RUNX2: variants seen among roughly 807,000 people sequenced by gnomAD.
RUNX2 encodes the protein runt-related transcription factor 2.
Under a neutral mutation model 51.7 loss-of-function variants are expected in RUNX2, and 10 were observed. That is an observed-to-expected ratio of 0.19 (90% CI 0.12 to 0.33). The LOEUF is 0.33. Ranked by LOEUF, RUNX2 falls within the 10% of genes least tolerant of loss-of-function variation. RUNX2 has a pLI of 1.00. For synonymous variants in RUNX2, 276 were observed against 273.6 expected, an observed-to-expected ratio of 1.01 and a Z score of -0.09; for missense variants, 562 against 691.3, an observed-to-expected ratio of 0.81 and a Z score of 2.10.
At chr6:45,415,949 A>T (rs1484776163) in intron 2 of RUNX2, among the ~76,000 whole-genome samples, 1 of 152,232 alleles carries the variant, frequency 6.6e-6, no homozygotes. Context: ...GATCCTGCCA[A>T]TAACGAAGAT....
At chr6:45,492,259 C>T in intron 6 of RUNX2, 145 bp downstream of exon 6, 2 of 730,138 alleles carry the variant, frequency 2.7e-6, no homozygotes, top group Non-Finnish European at 4.7e-6. Flanking sequence ...ACACTGATTT[C>T]TTCTTTTTTA....
intron 6 of RUNX2, among the ~76,000 whole-genome samples, chr6:45,497,247 G>A (rs2150410810): frequency 6.6e-6 from 1 of 152,162 alleles, no homozygotes; most frequent in South Asian, 2.1e-4. Context: ...TTGAGTCTTG[G>A]TTGTTTTTCT....
intron 7 of RUNX2, among the ~76,000 whole-genome samples, chr6:45,522,792 G>T (rs1563122882): frequency 6.6e-6 from 1 of 152,192 alleles, no homozygotes; most frequent in African/African-American, 2.4e-5. Flanking sequence ...AGTCTACCCA[G>T]GAATCAGTGC....
intron 6 of RUNX2, among the ~76,000 whole-genome samples, chr6:45,492,714 G>A (rs994992421): frequency 6.6e-6 from 1 of 152,046 alleles, no homozygotes; most frequent in African/African-American, 2.4e-5. Context: ...AATTAACATC[G>A]GCATTACATT....
At chr6:45,497,807 C>T (rs371198347) in intron 6 of RUNX2, among the ~76,000 whole-genome samples, 5 of 152,176 alleles carry the variant, frequency 3.3e-5, no homozygotes, top group African/African-American at 9.7e-5. Flanking sequence ...CTGCTTACTA[C>T]GTGACTTTTG....
At chr6:45,517,515 A>G (rs1801368997) in intron 7 of RUNX2, among the ~76,000 whole-genome samples, 1 of 152,052 alleles carries the variant, frequency 6.6e-6, no homozygotes. Context: ...CTCTGCATTT[A>G]TGGGGTTTTT....
rs888291246 is a variant in RUNX2 at position 45,540,155 on chromosome 6, C to G, written c.1022-5062C>G. Among the ~76,000 whole-genome samples, 4 of 152,148 alleles carry G rather than the reference C, an allele frequency of 2.6e-5. No individual in the cohort carries two copies. In the South Asian group the frequency reaches 8.3e-4, roughly 32 times the overall value. Reference sequence around the variant, plus strand: ...CATGCTTAGGAGCAGTGGGATATGACTTTGAAATAGGGCAGAGGACTCTGA... The same window carrying G: ...CATGCTTAGGAGCAGTGGGATATGAGTTTGAAATAGGGCAGAGGACTCTGA... On this transcript the variant is annotated intron_variant, in intron 7 of 8. Transcript: ENST00000647337.
intron 5 of RUNX2, among the ~76,000 whole-genome samples, chr6:45,451,767 G>C (rs920488915): frequency 1.3e-5 from 2 of 152,134 alleles, no homozygotes; most frequent in East Asian, 3.9e-4. Context: ...GAAGGATGAG[G>C]GCTTGAATGG....
At chr6:45,496,836 C>G (rs1800663789) in intron 6 of RUNX2, among the ~76,000 whole-genome samples, 1 of 152,180 alleles carries the variant, frequency 6.6e-6, no homozygotes, top group South Asian at 2.1e-4. Flanking sequence ...GCTACAGTAG[C>G]TCGAGAGAGT....
intron 3 of RUNX2, among the ~76,000 whole-genome samples, chr6:45,423,687 G>A (rs1798301172): frequency 1.3e-5 from 2 of 148,556 alleles, no homozygotes; most frequent in Admixed American, 6.7e-5. Flanking sequence ...GTCTCCAGAG[G>A]AGGGGGTGTC....
chr6:45,412,155 C>G (rs1173385249), intron 2 of RUNX2, among the ~76,000 whole-genome samples: 1 of 142,898 alleles, frequency 7.0e-6, no homozygotes, highest in Non-Finnish European at 1.5e-5. Context: ...TGAGACTAGC[C>G]TGGGCTACAT....
intron 6 of RUNX2, among the ~76,000 whole-genome samples, chr6:45,496,899 CTT>C (rs139417936): frequency 0.062 from 9,475 of 151,946 alleles, 412 homozygotes; most frequent in African/African-American, 0.11. Context: ...TGAATACTCT[CTT>C]TTTTTTAATA....
chr6:45,378,257 C>A (rs570889941), intron 2 of RUNX2, among the ~76,000 whole-genome samples: 14 of 152,194 alleles, frequency 9.2e-5, no homozygotes, highest in Non-Finnish European at 2.1e-4. Context: ...GGCTTGAATT[C>A]TTTAGGAATT....
chr6:45,532,052 C>T (rs1801866593), intron 7 of RUNX2, among the ~76,000 whole-genome samples: 1 of 151,664 alleles, frequency 6.6e-6, no homozygotes, highest in African/African-American at 2.4e-5. Context: ...TAGTAGTGTT[C>T]CCATTTTCTT....
At position 45,417,882 on chromosome 6, in the gene RUNX2, A is replaced by G. The variant is rs181294216; in HGVS notation, c.59-4711A>G. 3.4e-3 allele frequency among the ~76,000 whole-genome samples: 518 copies of G among 152,346 alleles called. 3 individuals are homozygous for G. The highest frequency in any genetic ancestry group is 0.012 in the African/African-American group (481 of 41,572). On this transcript the variant is annotated intron_variant, in intron 2 of 8. Coordinates refer to ENST00000647337, the MANE Select transcript of RUNX2 (RefSeq NM_001024630.4). ...TAAAAATGCAAAAAACATCTTTGAGAATTGTACAAAAACAGGCATTAGGCC... is the reference window on the plus strand; with the variant it reads ...TAAAAATGCAAAAAACATCTTTGAGGATTGTACAAAAACAGGCATTAGGCC...
chr6:45,448,460 T>C (rs919484060), intron 5 of RUNX2, among the ~76,000 whole-genome samples: 3 of 152,044 alleles, frequency 2.0e-5, no homozygotes, highest in Non-Finnish European at 4.4e-5. Context: ...AAGAAAATAA[T>C]GTGTGGACTA....
intron 2 of RUNX2, among the ~76,000 whole-genome samples, chr6:45,368,643 C>G (rs1795544011): frequency 6.6e-6 from 1 of 152,084 alleles, no homozygotes. Context: ...CAAACATCAT[C>G]AAAATCTGGA....
At chr6:45,536,442 T>C (rs1205607258) in intron 7 of RUNX2, among the ~76,000 whole-genome samples, 1 of 152,234 alleles carries the variant, frequency 6.6e-6, no homozygotes, top group Non-Finnish European at 1.5e-5. Flanking sequence ...CTTGGTAATC[T>C]GGTTCAAGTC....
chr6:45,483,025 A>G (rs757216930), intron 5 of RUNX2, among the ~76,000 whole-genome samples: 1 of 152,214 alleles, frequency 6.6e-6, no homozygotes, highest in Admixed American at 6.5e-5. Context: ...TTGAAATGCC[A>G]TCAGAGAAGA....
Sources: gnomAD v4.1 joint callset for allele counts (sites outside exome capture counted in the v4.1 genomes callset) on GRCh38, gnomAD v4.1.1 for gene constraint, MANE v1.5 for transcripts, NCBI Gene and HGNC (gene_info 2026-07-23, HGNC 2026-07-21) for gene names.